PHF14: variants seen among roughly 807,000 people sequenced by gnomAD.
The protein encoded by PHF14 is PHD finger protein 14.
A neutral mutation model predicts 117.9 loss-of-function variants in PHF14; 55 were observed. The observed-to-expected ratio is 0.47, with a 90% CI of 0.38 to 0.58. The LOEUF is 0.58. Ranked by LOEUF, PHF14 falls within the 20% of genes least tolerant of loss-of-function variation. PHF14 has a pLI of 0.00. For missense variants in PHF14, 978 were observed against 1,122.2 expected (o/e 0.87, Z 1.84); for synonymous variants, 409 against 368.6 (o/e 1.11, Z -1.26).
At chr7:11,028,220 A>C (rs570604594) in intron 6 of PHF14, among the ~76,000 whole-genome samples, 1 of 152,314 alleles carries the variant, frequency 6.6e-6, no homozygotes, top group African/African-American at 2.4e-5. Context: ...TAAAATGTTA[A>C]CTATCTCATG....
chr7:11,024,348 G>A (rs1415002159), intron 6 of PHF14, among the ~76,000 whole-genome samples: 2 of 152,216 alleles, frequency 1.3e-5, no homozygotes, highest in African/African-American at 4.8e-5. Context: ...AGAAGCATCA[G>A]CAAGTTATTC....
chr7:11,069,312 C>T (rs1390265842), intron 16 of PHF14, among the ~76,000 whole-genome samples: 2 of 151,994 alleles, frequency 1.3e-5, no homozygotes, highest in South Asian at 2.1e-4. Flanking sequence ...GTTTTATGGA[C>T]CCAGGGGCTT....
intron 8 of PHF14, among the ~76,000 whole-genome samples, chr7:11,036,009 T>C (rs1784314687): frequency 6.6e-6 from 1 of 152,198 alleles, no homozygotes; most frequent in African/African-American, 2.4e-5. Flanking sequence ...AATTTTCACA[T>C]TGAAAAATGT....
intron 17 of PHF14, among the ~76,000 whole-genome samples, chr7:11,122,348 T>TACACAC (rs1311000231): frequency 3.7e-4 from 23 of 61,614 alleles, no homozygotes; most frequent in Admixed American, 2.2e-3. Flanking sequence ...TATATATATA[T>TACACAC]ATATACACAC....
At chr7:11,126,653 A>G (rs1305399999) in intron 17 of PHF14, among the ~76,000 whole-genome samples, 2 of 151,918 alleles carry the variant, frequency 1.3e-5, no homozygotes, top group South Asian at 2.1e-4. Context: ...AAACATGACA[A>G]TATATTTTTC....
chr7:11,063,153 A>T, intron 16 of PHF14: 1 of 966,056 alleles, frequency 1.0e-6, no homozygotes, highest in Non-Finnish European at 1.2e-6. Flanking sequence ...ATAAAGTAAA[A>T]ATTACAGTAG....
intron 5 of PHF14, among the ~76,000 whole-genome samples, chr7:11,016,060 A>G (rs1783523206): frequency 6.6e-6 from 1 of 152,160 alleles, no homozygotes; most frequent in Non-Finnish European, 1.5e-5. Flanking sequence ...CTGAATGAAG[A>G]AAACTGAGGC....
At chr7:11,048,002 A>C (rs1784733441) in intron 13 of PHF14, among the ~76,000 whole-genome samples, 1 of 151,766 alleles carries the variant, frequency 6.6e-6, no homozygotes, top group African/African-American at 2.4e-5. Context: ...TTTCAACATG[A>C]AAGTTATTCT....
intron 14 of PHF14, among the ~76,000 whole-genome samples, chr7:11,056,110 GT>G (rs1157457258): frequency 6.6e-6 from 1 of 152,112 alleles, no homozygotes; most frequent in Non-Finnish European, 1.5e-5. Flanking sequence ...CTGGCAAACA[GT>G]TTTTGTAGTG....
intron 16 of PHF14, chr7:11,109,491 TTATG>T (rs1444584735): frequency 6.6e-6 from 1 of 151,470 alleles, no homozygotes; most frequent in East Asian, 1.9e-4. Flanking sequence ...ACTCCAGTTT[TTATG>T]TATGAAGGAG....
At chr7:11,042,162 A>T (rs1376660980) in intron 12 of PHF14, among the ~76,000 whole-genome samples, 2 of 151,940 alleles carry the variant, frequency 1.3e-5, no homozygotes, top group Non-Finnish European at 2.9e-5. Flanking sequence ...TAAAACGCAA[A>T]ATTCAGTATT....
intron 16 of PHF14, chr7:11,103,211 T>G: frequency 1.0e-6 from 1 of 955,992 alleles, no homozygotes; most frequent in African/African-American, 1.8e-5. Context: ...AGCATGAAAT[T>G]TTTACTTCAG....
chr7:11,013,541 A>G (rs1308325456), intron 4 of PHF14, among the ~76,000 whole-genome samples: 1 of 152,188 alleles, frequency 6.6e-6, no homozygotes, highest in Non-Finnish European at 1.5e-5. Flanking sequence ...AACTATTTTT[A>G]AAATGTCATT....
In PHF14 at chr7:10,982,659, G is replaced by A. The variant is rs1782081075; in HGVS notation, c.400G>A (p.Glu134Lys). ...EKEKEKEREK[E>K]KEKATVSENV... ...GGAGAAAGAGAAGGAAAGAGAGAAG[G>A]AAAAAGAAAAAGCAACAGTATCTGA... Residue 134 changes from glutamate to lysine, a missense_variant, in exon 3 of 18, where the codon GAA (glutamate) becomes AAA (lysine). Around this residue, in one of 7 missense-constraint regions of PHF14, gnomAD observed 414 missense variants for 376.4 expected, o/e 1.10. Transcript: ENST00000634607. 4 of 1,409,442 alleles carry A rather than the reference G, an allele frequency of 2.8e-6. No homozygotes were observed. Among genetic ancestry groups the A allele is most frequent in the Non-Finnish European group, 3.9e-6 (4 of 1,021,594 alleles). 87.3% of individuals were successfully genotyped at this position (1,409,442 alleles called of 1,614,324 possible).
chr7:11,145,803 A>T (rs1228662084), intron 17 of PHF14, among the ~76,000 whole-genome samples: 1 of 152,102 alleles, frequency 6.6e-6, no homozygotes, highest in Non-Finnish European at 1.5e-5. Context: ...AACATCATAG[A>T]TGCCTAAACC....
intron 16 of PHF14, among the ~76,000 whole-genome samples, chr7:11,074,093 C>A (rs1785728489): frequency 6.6e-6 from 1 of 152,202 alleles, no homozygotes; most frequent in African/African-American, 2.4e-5. Context: ...ATGCCTTTCC[C>A]CCATGTCTTG....
chr7:11,068,349 C>CAAAAA lies in PHF14; in HGVS notation c.2654+6284_2654+6288dup, dbSNP rs10659513. Among the ~76,000 whole-genome samples, 116 of 66,712 alleles carry CAAAAA rather than the reference C, an allele frequency of 1.7e-3. 2 individuals are homozygous for CAAAAA. The highest frequency in any genetic ancestry group is 6.6e-3 in the African/African-American group (113 of 17,198). The allele number at this position is 66,712 out of a possible 152,430, so 43.8% of individuals were successfully genotyped here. A position where few individuals can be genotyped will look rare whatever the true frequency, so the allele number is the denominator to read the frequency against. ...TGGGTGACAGAGCGAGACTCCGTCT[C>CAAAAA]AAAAAAAAAAAAAAAAAAAAAAAAT... On this transcript the variant is annotated intron_variant, in intron 16 of 17. Coordinates refer to ENST00000634607, the MANE Select transcript of PHF14 (RefSeq NM_001007157.2).
chr7:11,147,858 A>C (rs567734126), intron 17 of PHF14, among the ~76,000 whole-genome samples: 11 of 152,192 alleles, frequency 7.2e-5, no homozygotes, highest in East Asian at 3.9e-4. Flanking sequence ...CATATATTCA[A>C]ATGTTTGCCT....
chr7:11,098,551 C>T (rs145884387), intron 16 of PHF14, among the ~76,000 whole-genome samples: 23 of 152,258 alleles, frequency 1.5e-4, no homozygotes, highest in African/African-American at 5.3e-4. Context: ...CGTTTCCTCA[C>T]CTGATAAAAT....
Sources: allele counts gnomAD v4.1 joint callset (sites outside exome capture counted in the v4.1 genomes callset), GRCh38; gene constraint gnomAD v4.1.1; regional missense constraint gnomAD v4.1.1; transcripts MANE v1.5; gene names NCBI Gene and HGNC (gene_info 2026-07-23, HGNC 2026-07-21).